The following PIP4K2A variants were observed in gnomAD, a reference collection of about 807,000 sequenced individuals.
PIP4K2A encodes the protein phosphatidylinositol-5-phosphate 4-kinase type 2 alpha, also known as phosphatidylinositol 5-phosphate 4-kinase type-2 alpha.
In PIP4K2A, 14 loss-of-function variants were observed where a neutral mutation model predicts 42.9. That is an observed-to-expected ratio of 0.33 (90% CI 0.22 to 0.51). The LOEUF is 0.51. Among genes scored for constraint, PIP4K2A ranks in the 20% least tolerant of loss-of-function variants. The pLI, the probability that PIP4K2A is intolerant of heterozygous loss-of-function variation, is 0.97. For missense variants in PIP4K2A, 434 were observed against 519.8 expected (o/e 0.83, Z 1.61); for synonymous variants, 192 against 192.2 (o/e 1.00, Z 0.01).
chr10:22,666,131 A>G (rs769778388), intron 1 of PIP4K2A, among the ~76,000 whole-genome samples: 1 of 152,134 alleles, frequency 6.6e-6, no homozygotes, highest in Admixed American at 6.6e-5. Flanking sequence ...CCTAACTCCA[A>G]TAAGTTTTGA....
At chr10:22,568,957 A>G in intron 5 of PIP4K2A, 5 of 1,361,194 alleles carry the variant, frequency 3.7e-6, no homozygotes, top group Non-Finnish European at 2.0e-6. Context: ...CCACCTGATG[A>G]AAAGACATCT....
intron 6 of PIP4K2A, among the ~76,000 whole-genome samples, chr10:22,552,443 AATAATTTT>A (rs1367959814): frequency 5.9e-5 from 9 of 152,212 alleles, no homozygotes; most frequent in Non-Finnish European, 1.2e-4. Flanking sequence ...ATCTGTCATT[AATAATTTT>A]AAAATAATGC....
At chr10:22,619,862 A>T (rs1188854146) in intron 1 of PIP4K2A, among the ~76,000 whole-genome samples, 1 of 152,230 alleles carries the variant, frequency 6.6e-6, no homozygotes, top group Non-Finnish European at 1.5e-5. Context: ...TCCAATATCT[A>T]GAAAAGAAAT....
chr10:22,590,141 G>C (rs1265101980), intron 4 of PIP4K2A, among the ~76,000 whole-genome samples: 4 of 152,118 alleles, frequency 2.6e-5, no homozygotes, highest in African/African-American at 9.7e-5. Context: ...TGCAAACCAG[G>C]AAGAACCTGA....
In PIP4K2A at chr10:22,541,968, A is replaced by AC; in HGVS notation, c.871dup (p.Val291GlyfsTer4). The AC allele has an allele frequency of 6.2e-7, 1 of 1,613,778 alleles. No homozygotes were observed. The highest frequency in any genetic ancestry group is 8.5e-7 in the Non-Finnish European group (1 of 1,179,928). On this transcript the variant is annotated frameshift_variant, in exon 8 of 10. Coordinates refer to ENST00000376573, the MANE Select transcript of PIP4K2A (RefSeq NM_005028.5). LOFTEE classifies it high-confidence loss of function. ...CTCCCCATCGTTCTCCTCACACTCC[A>AC]CTTCCTCCTGTTCGGCTCTCTCCAC...
intron 1 of PIP4K2A, among the ~76,000 whole-genome samples, chr10:22,652,040 C>G (rs563118851): frequency 3.2e-4 from 49 of 152,254 alleles, no homozygotes; most frequent in African/African-American, 1.2e-3. Flanking sequence ...TATTATTTAA[C>G]TGAGCCCTGT....
At chr10:22,665,867 TAC>T (rs1171173023) in intron 1 of PIP4K2A, among the ~76,000 whole-genome samples, 1 of 151,714 alleles carries the variant, frequency 6.6e-6, no homozygotes, top group Non-Finnish European at 1.5e-5. Context: ...TACATATATA[TAC>T]ACACACACAG....
intron 3 of PIP4K2A, among the ~76,000 whole-genome samples, chr10:22,593,588 G>A (rs1837560599): frequency 6.6e-6 from 1 of 152,214 alleles, no homozygotes; most frequent in African/African-American, 2.4e-5. Flanking sequence ...AAATCAAAGT[G>A]AATTTCCCCT....
rs763339619 is a variant in PIP4K2A, at chr10:22,541,868, T to C, written c.972A>G (p.Ser324=). The C allele has an allele frequency of 6.2e-7, 1 of 1,605,166 alleles. No individual in the cohort carries two copies. The highest frequency in any genetic ancestry group is 2.2e-5 in the East Asian group (1 of 44,822). ...CGAACTCCCCGGGAGCCAGGGGTGG[T>C]GAGCTGTTCAGTGTATTCCCGGGGC... is the stretch of plus-strand genomic sequence containing the variant. ...PDSPGNTLNS[S]PPLAPGEFDP... The change falls in exon 8 of 10, where the codon TCA becomes TCG. Residue 324 remains serine (S), a synonymous_variant. Coordinates refer to ENST00000376573, the MANE Select transcript of PIP4K2A (RefSeq NM_005028.5).
intron 1 of PIP4K2A, among the ~76,000 whole-genome samples, chr10:22,664,067 A>G (rs1214200499): frequency 5.5e-5 from 5 of 90,256 alleles, no homozygotes; most frequent in East Asian, 2.2e-4. Context: ...ATATACATAT[A>G]TATATATACG....
chr10:22,593,639 C>T (rs929484899), intron 3 of PIP4K2A, among the ~76,000 whole-genome samples: 1 of 152,202 alleles, frequency 6.6e-6, no homozygotes, highest in Non-Finnish European at 1.5e-5. Context: ...GCAATTATTG[C>T]TCTTTGTTAG....
chr10:22,553,709 A>G (rs1836465231), intron 6 of PIP4K2A, among the ~76,000 whole-genome samples: 1 of 149,534 alleles, frequency 6.7e-6, no homozygotes, highest in East Asian at 2.0e-4. Context: ...AATCCCCATC[A>G]CCACCCCCAT....
chr10:22,577,884 C>T (rs1837161876), intron 4 of PIP4K2A, among the ~76,000 whole-genome samples: 2 of 152,276 alleles, frequency 1.3e-5, no homozygotes, highest in East Asian at 1.9e-4. Context: ...GGTCTGGCAC[C>T]GCCTGGATCC....
At chr10:22,548,888 A>C (rs1836321726) in intron 7 of PIP4K2A, among the ~76,000 whole-genome samples, 1 of 152,022 alleles carries the variant, frequency 6.6e-6, no homozygotes, top group African/African-American at 2.4e-5. Context: ...CTCTACAAAA[A>C]AAAAAAAATT....
chr10:22,683,239 T>A (rs35360085), intron 1 of PIP4K2A, among the ~76,000 whole-genome samples: 2 of 152,094 alleles, frequency 1.3e-5, no homozygotes, highest in African/African-American at 4.8e-5. Flanking sequence ...TCAACTCTTA[T>A]GAGTTCTGCT....
chr10:22,624,420 A>G (rs1420751605), intron 1 of PIP4K2A, among the ~76,000 whole-genome samples: 1 of 152,268 alleles, frequency 6.6e-6, no homozygotes, highest in African/African-American at 2.4e-5. Context: ...AATAAATTAC[A>G]CAGCCTATGA....
intron 7 of PIP4K2A, among the ~76,000 whole-genome samples, chr10:22,543,348 CCCAGGG>C (rs1365313144): frequency 6.6e-6 from 1 of 152,160 alleles, no homozygotes; most frequent in Non-Finnish European, 1.5e-5. Flanking sequence ...ACAGGAATCC[CCCAGGG>C]CCAGCTATAT....
At chr10:22,675,563 G>A (rs530721031) in intron 1 of PIP4K2A, among the ~76,000 whole-genome samples, 3 of 152,242 alleles carry the variant, frequency 2.0e-5, no homozygotes, top group South Asian at 2.1e-4. Context: ...GCACTCCAGC[G>A]TGAGCAACAG....
intron 1 of PIP4K2A, among the ~76,000 whole-genome samples, chr10:22,610,704 G>C (rs1037842486): frequency 6.6e-6 from 1 of 152,170 alleles, no homozygotes; most frequent in African/African-American, 2.4e-5. Flanking sequence ...AAGCCTGAAA[G>C]GAGGGACTCC....
Sources: allele counts gnomAD v4.1 joint callset (sites outside exome capture counted in the v4.1 genomes callset), GRCh38; gene constraint gnomAD v4.1.1; transcripts MANE v1.5; gene names NCBI Gene and HGNC (gene_info 2026-07-23, HGNC 2026-07-21).